ADK: variants seen among roughly 807,000 people sequenced by gnomAD.
The protein encoded by ADK is N6,N6-dimethyladenosine kinase.
Under a neutral mutation model 44.7 loss-of-function variants are expected in ADK, and 24 were observed. The ratio of observed to expected loss-of-function variants is 0.54; its 90% CI spans 0.39 to 0.76. The LOEUF (loss-of-function observed/expected upper bound fraction) is 0.76, where lower values mean the gene tolerates loss of function less well. Among genes scored for constraint, ADK ranks in the 30% least tolerant of loss-of-function variants. The pLI is 0.00. For missense variants in ADK, 321 were observed against 425.1 expected (o/e 0.76, Z 2.15); for synonymous variants, 128 against 142.6 (o/e 0.90, Z 0.73).
chr10:74,224,951 C>T (rs1026721104), intron 3 of ADK, among the ~76,000 whole-genome samples: 5 of 152,160 alleles, frequency 3.3e-5, no homozygotes, highest in Admixed American at 3.3e-4. Flanking sequence ...AATAAATTGT[C>T]ACTCTTAATT....
intron 3 of ADK, among the ~76,000 whole-genome samples, chr10:74,310,088 G>A (rs1444163466): frequency 2.6e-5 from 4 of 151,976 alleles, no homozygotes; most frequent in Admixed American, 6.6e-5. Flanking sequence ...GTGGAAAAAT[G>A]GATCAGGTAC....
At chr10:74,229,840 CA>C (rs1256564304) in intron 3 of ADK, among the ~76,000 whole-genome samples, 1 of 151,926 alleles carries the variant, frequency 6.6e-6, no homozygotes, top group African/African-American at 2.4e-5. Context: ...AGTTGGAGAC[CA>C]GCCTGGACAA....
At chr10:74,505,916 A>G (rs1848056267) in intron 6 of ADK, among the ~76,000 whole-genome samples, 1 of 152,158 alleles carries the variant, frequency 6.6e-6, no homozygotes, top group African/African-American at 2.4e-5. Context: ...ATTGTTCAAT[A>G]TCTAAAGAAA....
intron 2 of ADK, among the ~76,000 whole-genome samples, chr10:74,213,015 T>G (rs1591863452): frequency 6.6e-6 from 1 of 151,772 alleles, no homozygotes; most frequent in Non-Finnish European, 1.5e-5. Flanking sequence ...TTGAATTGAG[T>G]TTTGTTCAAG....
chr10:74,596,100 T>C (rs1028789660), intron 8 of ADK, among the ~76,000 whole-genome samples: 1 of 151,938 alleles, frequency 6.6e-6, no homozygotes, highest in African/African-American at 2.4e-5. Flanking sequence ...AGGAATGACT[T>C]GTGAATGTGG....
At chr10:74,660,421 C>T (rs547947947) in intron 9 of ADK, among the ~76,000 whole-genome samples, 2 of 152,250 alleles carry the variant, frequency 1.3e-5, no homozygotes, top group South Asian at 2.1e-4. Flanking sequence ...CACGAGCCAC[C>T]GTGTCTAGCC....
chr10:74,239,081 A>T lies in ADK; in HGVS notation c.194+14490A>T, dbSNP rs191131927. Among the ~76,000 whole-genome samples the T allele has an allele frequency of 3.9e-5, 6 of 152,084 alleles. No homozygotes were observed. In the East Asian group the frequency reaches 1.2e-3, roughly 29 times the overall value. ...TTTTAACTGAGAAGAGATGCTGTAA[A>T]GTTTTAGGAAATCACAGTGGGGACA... On this transcript the variant is annotated intron_variant, in intron 3 of 10. Coordinates refer to ENST00000539909, the MANE Select transcript of ADK (RefSeq NM_006721.4).
intron 1 of ADK, among the ~76,000 whole-genome samples, chr10:74,168,982 T>C (rs2132051154): frequency 6.6e-6 from 1 of 152,140 alleles, no homozygotes; most frequent in South Asian, 2.1e-4. Flanking sequence ...TCCCAGCACT[T>C]TGGGAGGCTG....
chr10:74,627,810 T>G (rs1368799627), intron 9 of ADK, among the ~76,000 whole-genome samples: 1 of 152,094 alleles, frequency 6.6e-6, no homozygotes, highest in Non-Finnish European at 1.5e-5. Context: ...TTTTTTTTGG[T>G]ATTGTTAGCA....
intron 7 of ADK, among the ~76,000 whole-genome samples, chr10:74,544,287 C>T (rs1037696795): frequency 2.6e-5 from 4 of 152,216 alleles, no homozygotes. Context: ...GTTGGACTTT[C>T]TGGTGACCAC....
intron 6 of ADK, among the ~76,000 whole-genome samples, chr10:74,401,485 A>T (rs1341022600): frequency 6.6e-6 from 1 of 151,868 alleles, no homozygotes; most frequent in East Asian, 1.9e-4. Flanking sequence ...TCCCTTTACC[A>T]TTATGTAATG....
intron 10 of ADK, among the ~76,000 whole-genome samples, chr10:74,693,994 T>C (rs1004373218): frequency 5.3e-5 from 8 of 152,152 alleles, no homozygotes; most frequent in Non-Finnish European, 1.0e-4. Flanking sequence ...TTTTTCTGAA[T>C]AATTTAAAGT....
chr10:74,420,348 A>G (rs1844516379), intron 6 of ADK, among the ~76,000 whole-genome samples: 1 of 152,150 alleles, frequency 6.6e-6, no homozygotes, highest in Admixed American at 6.5e-5. Context: ...GCTATCCTTG[A>G]AAGTGAGTGC....
At chr10:74,655,233 G>T in intron 9 of ADK, 4 of 397,232 alleles carry the variant, frequency 1.0e-5, no homozygotes, top group South Asian at 4.5e-5. Flanking sequence ...ACAGGTGCAT[G>T]GACAGGGATG....
At chr10:74,573,921 T>C (rs1418249607) in intron 7 of ADK, among the ~76,000 whole-genome samples, 1 of 152,200 alleles carries the variant, frequency 6.6e-6, no homozygotes, top group Non-Finnish European at 1.5e-5. Flanking sequence ...CCCCTTTCTT[T>C]GACTAGGAAA....
intron 6 of ADK, among the ~76,000 whole-genome samples, chr10:74,474,516 CTTCCCTTTCT>C: frequency 6.8e-6 from 1 of 147,962 alleles, no homozygotes; most frequent in Non-Finnish European, 1.5e-5. Context: ...CTTCCCTTCC[CTTCCCTTTCT>C]TTCCTTTCTT....
At chr10:74,627,560 G>GTTT (rs35242280) in intron 9 of ADK, among the ~76,000 whole-genome samples, 2 of 145,854 alleles carry the variant, frequency 1.4e-5, no homozygotes, top group Non-Finnish European at 1.5e-5. Flanking sequence ...ATTTTGTTGA[G>GTTT]TTTTTTTTTT....
chr10:74,233,550 A>T (rs1844857770), intron 3 of ADK, among the ~76,000 whole-genome samples: 1 of 152,110 alleles, frequency 6.6e-6, no homozygotes, highest in African/African-American at 2.4e-5. Context: ...TTTTTTGCAA[A>T]TTTCTCTTGT....
chr10:74,376,029 G>A (rs563634064), intron 4 of ADK, among the ~76,000 whole-genome samples: 103 of 150,508 alleles, frequency 6.8e-4, no homozygotes, highest in African/African-American at 2.4e-3. Flanking sequence ...CCTCATTTCC[G>A]TCTAAAAAAA....
Sources: gnomAD v4.1 joint callset for allele counts (sites outside exome capture counted in the v4.1 genomes callset) on GRCh38, gnomAD v4.1.1 for gene constraint, MANE v1.5 for transcripts, NCBI Gene and HGNC (gene_info 2026-07-23, HGNC 2026-07-21) for gene names.